The following RGS7 variants were observed in gnomAD, a reference collection of about 807,000 sequenced individuals.
RGS7 encodes the protein regulator of G protein signaling 7, also known as regulator of G-protein signaling 7.
RGS7 carries 27 observed loss-of-function variants against 81.1 expected under a neutral mutation model. That is an observed-to-expected ratio of 0.33 (90% CI 0.25 to 0.46). The LOEUF is 0.46. RGS7 is among the 20% of genes least tolerant of loss of function. The probability of loss-of-function intolerance (pLI) is 1.00; values close to 1 mark genes in which losing one functional copy is unlikely to be tolerated. For synonymous variants in RGS7, 208 were observed against 207.7 expected, an observed-to-expected ratio of 1.00 and a Z score of -0.01; for missense variants, 396 against 607.4, an observed-to-expected ratio of 0.65 and a Z score of 3.66.
At chr1:240,809,822 G>C (rs1398112706) in intron 14 of RGS7, among the ~76,000 whole-genome samples, 1 of 152,078 alleles carries the variant, frequency 6.6e-6, no homozygotes, top group East Asian at 1.9e-4. Context: ...GGAAACATAT[G>C]ATAGGCAATA....
rs569419854 is a variant in RGS7 at position 241,091,322 on chromosome 1, G to A, written c.175+7344C>T. Among the ~76,000 whole-genome samples the A allele has an allele frequency of 9.3e-4, 141 of 152,172 alleles. 2 individuals carry two copies. In the South Asian group the frequency reaches 0.026, roughly 28 times the overall value. The stretch of plus-strand genomic sequence containing the variant: ...TTAACACTTTGGGAGGCCGAGGCAG[G>A]TGGATCACGAGGTAGGGAGATCGAG... On this transcript the variant is annotated intron_variant, in intron 3 of 18. Transcript: ENST00000440928.
At chr1:241,284,964 G>A (rs975025190) in intron 2 of RGS7, among the ~76,000 whole-genome samples, 9 of 152,022 alleles carry the variant, frequency 5.9e-5, no homozygotes, top group Non-Finnish European at 1.2e-4. Context: ...TCCGCCTCCC[G>A]GGTTCACATC....
chr1:241,249,933 CATTTTAAAAAAGGA>C (rs57723010), intron 2 of RGS7, among the ~76,000 whole-genome samples: 16,116 of 151,966 alleles, frequency 0.11, 1,092 homozygotes, highest in East Asian at 0.3. Context: ...ATAACAGTTA[CATTTTAAAAAAGGA>C]ATATATATAG....
chr1:240,841,988 C>T lies in RGS7; in HGVS notation c.610-14816G>A, dbSNP rs193288753. Among the ~76,000 whole-genome samples the T allele has an allele frequency of 9.9e-4, 150 of 152,060 alleles. 1 individual carries two copies. The highest frequency in any genetic ancestry group is 1.5e-3 in the South Asian group (7 of 4,806). ...AGCCTTGGTGTCTCTTCTTTCAGAG[C>T]GAGTGCAATAAAAATTGTTCCAACC... On this transcript the variant is annotated intron_variant, in intron 9 of 18. Coordinates refer to ENST00000440928, the MANE Select transcript of RGS7 (RefSeq NM_001364886.1).
intron 3 of RGS7, among the ~76,000 whole-genome samples, chr1:241,093,597 T>C (rs911771942): frequency 3.9e-5 from 6 of 151,994 alleles, no homozygotes; most frequent in African/African-American, 1.5e-4. Context: ...CATATTTCTA[T>C]AACCTGAGCT....
intron 9 of RGS7, among the ~76,000 whole-genome samples, chr1:240,860,148 C>CT (rs1661938483): frequency 1.3e-5 from 2 of 152,100 alleles, no homozygotes; most frequent in Admixed American, 1.3e-4. Flanking sequence ...TCCATGGAAG[C>CT]TTGAGAAGAA....
At chr1:240,879,360 A>C (rs1162705157) in intron 6 of RGS7, among the ~76,000 whole-genome samples, 1 of 152,142 alleles carries the variant, frequency 6.6e-6, no homozygotes, top group Non-Finnish European at 1.5e-5. Flanking sequence ...TCTTTGCCTC[A>C]CCATTTATTT....
intron 9 of RGS7, among the ~76,000 whole-genome samples, chr1:240,828,886 C>T (rs1429607404): frequency 2.0e-5 from 3 of 152,176 alleles, no homozygotes; most frequent in African/African-American, 7.2e-5. Flanking sequence ...CATTAGATGT[C>T]CTTAGAAGTG....
chr1:241,160,154 AG>A (rs2069529772), intron 2 of RGS7, among the ~76,000 whole-genome samples: 1 of 151,494 alleles, frequency 6.6e-6, no homozygotes, highest in Non-Finnish European at 1.5e-5. Flanking sequence ...AAAAAGAAAT[AG>A]GGTTTTCATC....
intron 3 of RGS7, among the ~76,000 whole-genome samples, chr1:241,016,246 G>A (rs961523751): frequency 2.8e-4 from 43 of 152,274 alleles, no homozygotes; most frequent in African/African-American, 7.2e-4. Flanking sequence ...ATGTCTGGGT[G>A]CGGTGGCTCA....
intron 2 of RGS7, among the ~76,000 whole-genome samples, chr1:241,151,028 T>C (rs972626106): frequency 7.2e-5 from 11 of 152,138 alleles, no homozygotes; most frequent in Admixed American, 3.3e-4. Flanking sequence ...GCCCCCTCCT[T>C]CCACCATTCT....
chr1:240,994,173 G>T (rs1234697615), intron 3 of RGS7, among the ~76,000 whole-genome samples: 1 of 151,874 alleles, frequency 6.6e-6, no homozygotes, highest in Non-Finnish European at 1.5e-5. Context: ...TACTTCATTT[G>T]CTTTACCTAT....
chr1:240,935,595 AG>A (rs1337690916), intron 5 of RGS7, among the ~76,000 whole-genome samples: 1 of 152,196 alleles, frequency 6.6e-6, no homozygotes, highest in African/African-American at 2.4e-5. Flanking sequence ...AATGAGTCCA[AG>A]GAAGGGGCAG....
intron 2 of RGS7, among the ~76,000 whole-genome samples, chr1:241,146,468 G>A (rs2068317642): frequency 6.6e-6 from 1 of 152,034 alleles, no homozygotes; most frequent in African/African-American, 2.4e-5. Flanking sequence ...CTATGCTCTG[G>A]GCAGAAGTAC....
chr1:240,883,770 G>C (rs1282828851), intron 6 of RGS7, among the ~76,000 whole-genome samples: 2 of 152,108 alleles, frequency 1.3e-5, no homozygotes, highest in African/African-American at 4.8e-5. Context: ...GCTTTTGGTT[G>C]ACAATCTTGC....
At chr1:241,290,446 C>T (rs1273855860) in intron 2 of RGS7, among the ~76,000 whole-genome samples, 1 of 152,230 alleles carries the variant, frequency 6.6e-6, no homozygotes, top group Admixed American at 6.5e-5. Context: ...CCGTTTATCT[C>T]TCCCATCATC....
At chr1:241,287,661 G>A (rs1306641375) in intron 2 of RGS7, among the ~76,000 whole-genome samples, 2 of 152,072 alleles carry the variant, frequency 1.3e-5, no homozygotes, top group Non-Finnish European at 2.9e-5. Flanking sequence ...CCTGCCTCGT[G>A]TAATGGTCTT....
chr1:240,833,737 G>A (rs1694230760), intron 9 of RGS7, among the ~76,000 whole-genome samples: 1 of 151,776 alleles, frequency 6.6e-6, no homozygotes, highest in Non-Finnish European at 1.5e-5. Context: ...CTTACATGAA[G>A]TAATTATAGA....
At chr1:240,967,570 G>GA (rs1485144689) in intron 4 of RGS7, among the ~76,000 whole-genome samples, 1 of 118,432 alleles carries the variant, frequency 8.4e-6, no homozygotes, top group Admixed American at 8.5e-5. Context: ...CCAAGAAGTG[G>GA]GGGGGGGGGG....
Sources: gnomAD v4.1 joint callset for allele counts (sites outside exome capture counted in the v4.1 genomes callset) on GRCh38, gnomAD v4.1.1 for gene constraint, MANE v1.5 for transcripts, NCBI Gene and HGNC (gene_info 2026-07-23, HGNC 2026-07-21) for gene names.